TFCP2L1: variants seen among roughly 807,000 people sequenced by gnomAD.
The protein encoded by TFCP2L1 is transcription factor CP2 like 1, also known as transcription factor CP2-like protein 1.
In TFCP2L1, 12 loss-of-function variants were observed where a neutral mutation model predicts 72.2. The observed-to-expected ratio is 0.17, with a 90% CI of 0.11 to 0.27. TFCP2L1 has a LOEUF of 0.27. TFCP2L1 is among the 10% of genes least tolerant of loss of function. The pLI, the probability that TFCP2L1 is intolerant of heterozygous loss-of-function variation, is 1.00. For missense variants in TFCP2L1, 488 were observed against 624.6 expected, an observed-to-expected ratio of 0.78 and a Z score of 2.33; for synonymous variants, 260 against 251.0, an observed-to-expected ratio of 1.04 and a Z score of -0.34.
At position 121,267,715 on chromosome 2, in the gene TFCP2L1, G is replaced by A. The variant is rs144357151; in HGVS notation, c.214+13405C>T. On this transcript the variant is annotated intron_variant, in intron 2 of 14. Coordinates refer to ENST00000263707, the MANE Select transcript of TFCP2L1 (RefSeq NM_014553.3). ...TCACCGTGTTAGCCAGGATGGTCTC[G>A]AATTCCTGATCTCAAGTGATGCGCC... 9.9e-5 allele frequency among the ~76,000 whole-genome samples: 15 copies of A among 152,174 alleles called. No individual in the cohort carries two copies. The East Asian group carries it at 1.2e-3, about 12-fold the overall frequency.
chr2:121,224,684 CAA>C (rs779642153), intron 14 of TFCP2L1, among the ~76,000 whole-genome samples: 62 of 152,256 alleles, frequency 4.1e-4, no homozygotes, highest in Middle Eastern at 3.4e-3. Flanking sequence ...CCCAAGGCCC[CAA>C]AGACACTTGG....
intron 2 of TFCP2L1, among the ~76,000 whole-genome samples, chr2:121,259,975 G>C (rs915659676): frequency 7.9e-5 from 12 of 152,188 alleles, no homozygotes; most frequent in Non-Finnish European, 1.6e-4. Flanking sequence ...TATTTTCCCA[G>C]TGTCAGGCTG....
intron 6 of TFCP2L1, among the ~76,000 whole-genome samples, chr2:121,245,866 A>C (rs2713209): frequency 0.048 from 7,377 of 152,290 alleles, 352 homozygotes; most frequent in East Asian, 0.29. Flanking sequence ...GTCTGGGGGA[A>C]GATCAGCACA....
At chr2:121,283,452 A>G (rs1687304595) in intron 1 of TFCP2L1, among the ~76,000 whole-genome samples, 1 of 152,204 alleles carries the variant, frequency 6.6e-6, no homozygotes, top group South Asian at 2.1e-4. Context: ...AAAAAAGGGC[A>G]AGGACTTCTT....
At chr2:121,238,364 G>A (rs965838518) in intron 8 of TFCP2L1, among the ~76,000 whole-genome samples, 15 of 152,162 alleles carry the variant, frequency 9.9e-5, no homozygotes, top group South Asian at 2.1e-4. Context: ...ATCCATCCAC[G>A]AGGAAAAGCA....
chr2:121,265,865 CTTT>C (rs559969459), intron 2 of TFCP2L1, among the ~76,000 whole-genome samples: 20 of 131,554 alleles, frequency 1.5e-4, no homozygotes, highest in Admixed American at 4.7e-4. Flanking sequence ...AAGTAGTAAT[CTTT>C]TTTTTTTTTT....
chr2:121,276,179 C>G (rs1687142692), intron 2 of TFCP2L1, among the ~76,000 whole-genome samples: 1 of 152,136 alleles, frequency 6.6e-6, no homozygotes, highest in Non-Finnish European at 1.5e-5. Context: ...AACCCGTAAC[C>G]TACGTTAGGT....
intron 4 of TFCP2L1, among the ~76,000 whole-genome samples, chr2:121,248,665 C>A (rs961037855): frequency 1.3e-5 from 2 of 152,200 alleles, no homozygotes; most frequent in Non-Finnish European, 2.9e-5. Context: ...CATTGCCCAT[C>A]TATCTCTGTG....
At chr2:121,261,401 G>C (rs1226025375) in intron 2 of TFCP2L1, among the ~76,000 whole-genome samples, 2 of 152,050 alleles carry the variant, frequency 1.3e-5, no homozygotes, top group East Asian at 3.9e-4. Context: ...AAAAGGTGAG[G>C]AAATGCTCAA....
intron 11 of TFCP2L1, among the ~76,000 whole-genome samples, chr2:121,234,876 C>T (rs117961140): frequency 1.3e-5 from 2 of 152,312 alleles, no homozygotes; most frequent in East Asian, 1.9e-4. Flanking sequence ...CTCCCCTCAG[C>T]GGGGGAGCAG....
chr2:121,227,374 A>G (rs1686050335), intron 13 of TFCP2L1, among the ~76,000 whole-genome samples: 1 of 152,224 alleles, frequency 6.6e-6, no homozygotes, highest in South Asian at 2.1e-4. Context: ...TTTACATTTA[A>G]AGAATATTTT....
Position 121,285,111 on chromosome 2 carries a change from G to A in TFCP2L1, c.-2C>T. 2.7e-6 allele frequency: 4 copies of A among 1,504,680 alleles called. No homozygotes were observed. The highest frequency in any genetic ancestry group is 3.6e-6 in the Non-Finnish European group (4 of 1,126,758). The allele number at this position is 1,504,680 out of a possible 1,614,324, so 93.2% of individuals were successfully genotyped here. On this transcript the variant is annotated 5_prime_UTR_variant, in exon 1 of 15. Coordinates refer to ENST00000263707, the MANE Select transcript of TFCP2L1 (RefSeq NM_014553.3). ...GGGCTGCGTGTGCCAGAAGAGCATG[G>A]CTGGAACTCCCAGCGCGCCGACCGG...
At position 121,235,235 on chromosome 2, in the gene TFCP2L1, G is replaced by A. The variant is rs372397557; in HGVS notation, c.1080C>T (p.Asn360=). The change falls in exon 11 of 15, where the codon AAC becomes AAT. Residue 360 remains asparagine, a synonymous_variant. Coordinates refer to ENST00000263707, the MANE Select transcript of TFCP2L1 (RefSeq NM_014553.3). The stretch of plus-strand genomic sequence containing the variant: ...CCAACACCTACCGGCCTTTGATGGC[G>A]TTGAAGAGCCGGATCCCATCTGCGG... ...CGPADGIRLF[N]AIKGRNVRPK... 7.5e-5 allele frequency: 121 copies of A among 1,614,158 alleles called. No homozygotes were observed. Among genetic ancestry groups the A allele is most frequent in the Middle Eastern group, 1.6e-4 (1 of 6,062 alleles).
In TFCP2L1 at chr2:121,235,221, C is replaced by T. The variant is rs1686220885; in HGVS notation, c.1094G>A (p.Arg365Gln). ...GIRLFNAIKGRNVRPKMTIYV... is the reference protein window; with the variant it reads ...GIRLFNAIKGQNVRPKMTIYV... ...GCTTCACAGAGAAACCAACACCTAC[C>T]GGCCTTTGATGGCGTTGAAGAGCCG... Residue 365 changes from arginine to glutamine, a missense_variant and splice_region_variant, in exon 11 of 15, where the codon CGG (arginine) becomes CAG (glutamine). Transcript: ENST00000263707. 2.5e-6 allele frequency: 4 copies of T among 1,614,190 alleles called. No homozygotes were observed. Among genetic ancestry groups the T allele is most frequent in the Non-Finnish European group, 3.4e-6 (4 of 1,180,028 alleles).
chr2:121,255,163 T>C (rs564817195), intron 2 of TFCP2L1, among the ~76,000 whole-genome samples: 66 of 152,360 alleles, frequency 4.3e-4, no homozygotes, highest in Non-Finnish European at 8.1e-4. Context: ...TAGTTGTCCA[T>C]GATCCTCTCT....
Position 121,225,591 on chromosome 2 carries a change from T to C in TFCP2L1, c.1364A>G (p.Glu455Gly). 6.2e-7 allele frequency: 1 copy of C among 1,614,090 alleles called. No homozygotes were observed. Among genetic ancestry groups the C allele is most frequent in the Non-Finnish European group, 8.5e-7 (1 of 1,180,012 alleles). Residue 455 changes from glutamate (E) to glycine (G), a missense_variant, in exon 14 of 15, where the codon GAA (glutamate) becomes GGA (glycine). By Grantham distance (98) the Glu-to-Gly change is moderately conservative (BLOSUM62 -2). Transcript: ENST00000263707. The stretch of plus-strand genomic sequence containing the variant: ...AATTGTGCTGAGGACAAAACAGGAT[T>C]CATCTTGGAAGTTCTGCACCATCTG... The part of the protein sequence containing the change: ...SNEMVQNFQD[E>G]SCFVLSTIKA...
Position 121,256,225 on chromosome 2 carries a change from C to T in TFCP2L1, c.215-6578G>A, listed in dbSNP as rs541649175. 6.6e-5 allele frequency among the ~76,000 whole-genome samples: 10 copies of T among 152,230 alleles called. 1 individual carries two copies. In the South Asian group the frequency reaches 1.7e-3, roughly 25 times the overall value. On this transcript the variant is annotated intron_variant, in intron 2 of 14. Coordinates refer to ENST00000263707, the MANE Select transcript of TFCP2L1 (RefSeq NM_014553.3). Reference sequence around the variant, plus strand: ...ATAAAATTTGATATTCGTTTCCTTGCGATACACTAGTCCCCCTGAAACACA... The same window carrying T: ...ATAAAATTTGATATTCGTTTCCTTGTGATACACTAGTCCCCCTGAAACACA...
chr2:121,234,073 C>A lies in TFCP2L1; in HGVS notation c.1198+18G>T. 1 of 1,611,250 alleles carries A rather than the reference C, an allele frequency of 6.2e-7. No homozygotes were observed. Among genetic ancestry groups the A allele is most frequent in the South Asian group, 1.1e-5 (1 of 90,990 alleles). ...GGGACCCAATGTGTGGGTCCCAGCT[C>A]TGCTCCCCACAACTCACCAGACAGG... On this transcript the variant is annotated intron_variant, in intron 12 of 14. Transcript: ENST00000263707.
At chr2:121,269,021 CTTTT>C (rs559731568) in intron 2 of TFCP2L1, among the ~76,000 whole-genome samples, 14 of 144,600 alleles carry the variant, frequency 9.7e-5, no homozygotes, top group African/African-American at 2.0e-4. Flanking sequence ...TAGGGAAAGG[CTTTT>C]TTTTTTATTA....
Sources: gnomAD v4.1 joint callset for allele counts (sites outside exome capture counted in the v4.1 genomes callset) on GRCh38, gnomAD v4.1.1 for gene constraint, MANE v1.5 for transcripts, NCBI Gene and HGNC (gene_info 2026-07-23, HGNC 2026-07-21) for gene names.